RORA: variants seen among roughly 807,000 people sequenced by gnomAD.
RORA encodes RAR related orphan receptor A, also known as nuclear receptor ROR-alpha.
In RORA, 7 loss-of-function variants were observed where a neutral mutation model predicts 69.5. That is an observed-to-expected ratio of 0.10 (90% CI 0.06 to 0.19). The LOEUF is 0.19. Ranked by LOEUF, RORA falls within the 10% of genes least tolerant of loss-of-function variation. The probability of loss-of-function intolerance (pLI) is 1.00; values close to 1 mark genes in which losing one functional copy is unlikely to be tolerated. For synonymous variants in RORA, 261 were observed against 240.8 expected (o/e 1.08, Z -0.78); for missense variants, 457 against 663.0 (o/e 0.69, Z 3.41).
intron 1 of RORA, among the ~76,000 whole-genome samples, chr15:60,897,985 G>A (rs1891275015): frequency 6.6e-6 from 1 of 152,198 alleles, no homozygotes; most frequent in Middle Eastern, 3.2e-3. Context: ...AGTCTATCCA[G>A]GAGTAACAAA....
At position 60,525,498 on chromosome 15, in the gene RORA, A is replaced by G. The variant is rs1351704517; in HGVS notation, c.282+6268T>C. Among the ~76,000 whole-genome samples the G allele has an allele frequency of 4.6e-5, 7 of 152,326 alleles. No homozygotes were observed. The East Asian group carries it at 1.4e-3, about 29-fold the overall frequency. ...TACCCACTTCCACTTCTGTATACAC[A>G]TATGTCTTAATTAGCTGCTCATTGG... is the stretch of plus-strand genomic sequence containing the variant. On this transcript the variant is annotated intron_variant, in intron 3 of 10. Coordinates refer to ENST00000335670, the MANE Select transcript of RORA (RefSeq NM_134261.3).
At chr15:60,773,832 C>T (rs1229793241) in intron 1 of RORA, among the ~76,000 whole-genome samples, 1 of 152,170 alleles carries the variant, frequency 6.6e-6, no homozygotes, top group Non-Finnish European at 1.5e-5. Context: ...TTGACACTAC[C>T]CTACCTAGAT....
intron 2 of RORA, among the ~76,000 whole-genome samples, chr15:60,665,049 A>G (rs41356552): frequency 0.21 from 32,138 of 152,204 alleles, 4,147 homozygotes; most frequent in Admixed American, 0.4. Context: ...CTAAGGAAAC[A>G]TACTTACATT....
At chr15:60,687,773 T>C (rs2070769400) in intron 1 of RORA, among the ~76,000 whole-genome samples, 1 of 152,148 alleles carries the variant, frequency 6.6e-6, no homozygotes, top group Non-Finnish European at 1.5e-5. Context: ...AACAACAAAA[T>C]ACTTACCTTG....
At chr15:60,735,929 T>C (rs1329704355) in intron 1 of RORA, among the ~76,000 whole-genome samples, 1 of 152,208 alleles carries the variant, frequency 6.6e-6, no homozygotes, top group Non-Finnish European at 1.5e-5. Context: ...CCCAATTTAA[T>C]CCTCCATCCC....
intron 2 of RORA, among the ~76,000 whole-genome samples, chr15:60,651,892 G>A (rs958928120): frequency 2.0e-5 from 3 of 152,180 alleles, no homozygotes; most frequent in Non-Finnish European, 2.9e-5. Flanking sequence ...TTCATGGGCC[G>A]TTAAGCATGT....
chr15:60,514,701 C>T lies in RORA; in HGVS notation c.339G>A (p.Lys113=), dbSNP rs1228921028. 6.2e-7 allele frequency: 1 copy of T among 1,614,026 alleles called. No homozygotes were observed. The highest frequency in any genetic ancestry group is 1.1e-5 in the South Asian group (1 of 91,074). Residue 113 remains lysine, a synonymous_variant, in exon 4 of 11, where the codon AAG becomes AAA. Coordinates refer to ENST00000335670, the MANE Select transcript of RORA (RefSeq NM_134261.3). ...TACTGGTTCGATCAATCAAACAGTTCTTCTGACGAGGACAGGAGTAGGTGG... is the reference window on the plus strand; with the variant it reads ...TACTGGTTCGATCAATCAAACAGTTTTTCTGACGAGGACAGGAGTAGGTGG... The part of the protein sequence containing the change: ...SNATYSCPRQ[K]NCLIDRTSRN...
At chr15:61,099,012 G>A (rs909113354) in intron 1 of RORA, among the ~76,000 whole-genome samples, 10 of 152,114 alleles carry the variant, frequency 6.6e-5, no homozygotes, top group African/African-American at 1.9e-4. Context: ...GTTCGTTTAC[G>A]GCAGAAAATG....
At chr15:61,139,216 G>A (rs2079274545) in intron 1 of RORA, among the ~76,000 whole-genome samples, 1 of 152,000 alleles carries the variant, frequency 6.6e-6, no homozygotes, top group African/African-American at 2.4e-5. Context: ...AATATGCACT[G>A]AGAAGCAACA....
At chr15:61,174,482 C>T (rs776935798) in intron 1 of RORA, among the ~76,000 whole-genome samples, 5 of 152,212 alleles carry the variant, frequency 3.3e-5, no homozygotes, top group African/African-American at 4.8e-5. Flanking sequence ...TCCCTTCTCA[C>T]GCAGCTTATG....
At chr15:60,500,684 A>G (rs1015368952) in intron 9 of RORA, among the ~76,000 whole-genome samples, 1 of 152,204 alleles carries the variant, frequency 6.6e-6, no homozygotes, top group Non-Finnish European at 1.5e-5. Context: ...TTCTCTTGGT[A>G]TCAGGAGGTT....
At chr15:60,988,748 C>T (rs1894284613) in intron 1 of RORA, among the ~76,000 whole-genome samples, 1 of 152,144 alleles carries the variant, frequency 6.6e-6, no homozygotes, top group Admixed American at 6.5e-5. Flanking sequence ...GTACACAATG[C>T]AGTTTAACAG....
intron 1 of RORA, among the ~76,000 whole-genome samples, chr15:60,920,409 A>G (rs906518022): frequency 3.9e-5 from 6 of 152,162 alleles, no homozygotes; most frequent in Admixed American, 1.3e-4. Flanking sequence ...GCCCATTTGT[A>G]TGTGAAGCCC....
intron 2 of RORA, among the ~76,000 whole-genome samples, chr15:60,653,268 G>A (rs779176357): frequency 7.9e-5 from 12 of 151,570 alleles, no homozygotes; most frequent in Admixed American, 2.0e-4. Flanking sequence ...ATACAAGGTC[G>A]TCCTTTGGCA....
At chr15:60,963,313 T>G (rs878866555) in intron 1 of RORA, among the ~76,000 whole-genome samples, 2 of 152,238 alleles carry the variant, frequency 1.3e-5, no homozygotes, top group Non-Finnish European at 2.9e-5. Flanking sequence ...GAGCCCCTGT[T>G]GCAGAGCACA....
chr15:60,551,933 G>C (rs1317197693), intron 2 of RORA, among the ~76,000 whole-genome samples: 23 of 152,218 alleles, frequency 1.5e-4, no homozygotes, highest in Admixed American at 1.5e-3. Flanking sequence ...GAACCAGTGT[G>C]AACAGAAACA....
At chr15:61,132,280 G>T (rs2079196593) in intron 1 of RORA, among the ~76,000 whole-genome samples, 1 of 149,016 alleles carries the variant, frequency 6.7e-6, no homozygotes, top group Admixed American at 6.7e-5. Flanking sequence ...AAATTATTAG[G>T]TTTTTTTTTT....
intron 1 of RORA, among the ~76,000 whole-genome samples, chr15:60,982,247 C>T (rs1894065137): frequency 6.6e-6 from 1 of 152,190 alleles, no homozygotes; most frequent in African/African-American, 2.4e-5. Flanking sequence ...AGCCTAATGG[C>T]CAGCCAGAGT....
chr15:61,083,817 G>C (rs1322514146), intron 1 of RORA, among the ~76,000 whole-genome samples: 1 of 151,898 alleles, frequency 6.6e-6, no homozygotes. Flanking sequence ...GGCTTCTCTT[G>C]TTTATCAAGT....
Sources: allele counts gnomAD v4.1 joint callset (sites outside exome capture counted in the v4.1 genomes callset), GRCh38; gene constraint gnomAD v4.1.1; transcripts MANE v1.5; gene names NCBI Gene and HGNC (gene_info 2026-07-23, HGNC 2026-07-21).